Variants in PHACTR3 observed in about 807,000 individuals in gnomAD.
PHACTR3 encodes protein phosphatase 1, regulatory subunit 123.
A neutral mutation model predicts 66.8 loss-of-function variants in PHACTR3; 16 were observed. The ratio of observed to expected loss-of-function variants is 0.24; its 90% confidence interval spans 0.16 to 0.36. PHACTR3 has a LOEUF of 0.36. Among genes scored for constraint, PHACTR3 ranks in the 10% least tolerant of loss-of-function variants. PHACTR3 has a pLI of 1.00. For synonymous variants in PHACTR3, 323 were observed against 292.1 expected, an observed-to-expected ratio of 1.11 and a Z score of -1.08; for missense variants, 647 against 719.9, an observed-to-expected ratio of 0.90 and a Z score of 1.16.
Position 59,829,495 on chromosome 20 carries a change from G to T in PHACTR3, c.1329-7010G>T, listed in dbSNP as rs2042286627. 6.6e-6 allele frequency among the ~76,000 whole-genome samples: 1 copy of T among 152,188 alleles called. No homozygotes were observed. The highest frequency in any genetic ancestry group is 1.5e-5 in the Non-Finnish European group (1 of 68,022). ...TAGGGTCAATGTGCCTGTCATCCGT[G>T]CACCCAGATGGTGTGCGCCTGGGGG... On this transcript the variant is annotated intron_variant, in intron 8 of 12. Transcript: ENST00000371015. The surrounding 1 kb of genome is among the most constrained non-coding windows in gnomAD (Gnocchi z 4.2).
At chr20:59,599,422 G>A (rs964038453) in intron 1 of PHACTR3, among the ~76,000 whole-genome samples, 10 of 152,128 alleles carry the variant, frequency 6.6e-5, no homozygotes, top group Middle Eastern at 3.2e-3. Context: ...AGAAGACGGC[G>A]GAATTGAGCT....
At chr20:59,631,503 G>T (rs2034662688) in intron 1 of PHACTR3, among the ~76,000 whole-genome samples, 1 of 151,966 alleles carries the variant, frequency 6.6e-6, no homozygotes, top group African/African-American at 2.4e-5. Flanking sequence ...ACTTTGTCTT[G>T]GTCCAGTTTA....
rs190423817 is a variant in PHACTR3, at chr20:59,640,883, T to G, written c.118+35751T>G. On this transcript the variant is annotated intron_variant, in intron 1 of 12. Transcript: ENST00000371015. ...GCATTTGGCTTCTAAGTTGTAAAAA[T>G]GGACCAAAAATGAAGCAGTAGAGTA... is the stretch of plus-strand genomic sequence containing the variant. 3.9e-5 allele frequency among the ~76,000 whole-genome samples: 6 copies of G among 152,278 alleles called. No individual in the cohort carries two copies. In the East Asian group the frequency reaches 1.2e-3, roughly 29 times the overall value.
chr20:59,769,826 T>C lies in PHACTR3; in HGVS notation c.751+2431T>C, dbSNP rs116104262. Among the ~76,000 whole-genome samples, 727 of 152,362 alleles carry C rather than the reference T, an allele frequency of 4.8e-3. 7 individuals carry two copies. Among genetic ancestry groups the C allele is most frequent in the African/African-American group, 0.017 (687 of 41,580 alleles). ...CTGCATCTTTCTACATCTCTGTAGA[T>C]GAATCCAAATATTCAGTCTTTATGC... On this transcript the variant is annotated intron_variant, in intron 5 of 12. Transcript: ENST00000371015.
intron 2 of PHACTR3, among the ~76,000 whole-genome samples, chr20:59,743,588 C>G (rs17805233): frequency 6.6e-6 from 1 of 152,164 alleles, no homozygotes; most frequent in South Asian, 2.1e-4. Flanking sequence ...TGGGTTGGGC[C>G]GAGACACTGG....
chr20:59,654,062 A>G (rs1282835806), intron 1 of PHACTR3, among the ~76,000 whole-genome samples: 1 of 152,222 alleles, frequency 6.6e-6, no homozygotes, highest in Non-Finnish European at 1.5e-5. Context: ...CTGCTGGCTA[A>G]GAGGAATTGC....
At chr20:59,708,549 G>A (rs1025309309) in intron 1 of PHACTR3, among the ~76,000 whole-genome samples, 1 of 152,110 alleles carries the variant, frequency 6.6e-6, no homozygotes, top group Non-Finnish European at 1.5e-5. Flanking sequence ...ATTCCCTCCC[G>A]CTGAGAGGCA....
At chr20:59,835,569 G>C (rs1029814611) in intron 8 of PHACTR3, among the ~76,000 whole-genome samples, 1 of 152,182 alleles carries the variant, frequency 6.6e-6, no homozygotes, top group Non-Finnish European at 1.5e-5. Flanking sequence ...GCTGTGGTTA[G>C]AGGATCTGGA....
chr20:59,606,855 C>A (rs1600901826), intron 1 of PHACTR3, among the ~76,000 whole-genome samples: 1 of 152,130 alleles, frequency 6.6e-6, no homozygotes, highest in African/African-American at 2.4e-5. Flanking sequence ...TCCTCTGGTG[C>A]AACTGGTCTA....
At chr20:59,676,368 G>A (rs748185227) in intron 1 of PHACTR3, among the ~76,000 whole-genome samples, 7 of 152,222 alleles carry the variant, frequency 4.6e-5, no homozygotes, top group East Asian at 1.9e-4. Flanking sequence ...AGGAGTGGGC[G>A]CCTGGCCCTG....
At chr20:59,833,249 T>A (rs920589134) in intron 8 of PHACTR3, among the ~76,000 whole-genome samples, 9 of 152,232 alleles carry the variant, frequency 5.9e-5, no homozygotes, top group African/African-American at 2.2e-4. Context: ...GGCAGCTAGA[T>A]GAAGCCCTGC....
rs753738508 is a variant in PHACTR3 at position 59,767,253 on chromosome 20, G to A, written c.609G>A (p.Glu203=). The A allele has an allele frequency of 6.2e-7, 1 of 1,614,112 alleles. No homozygotes were observed. Among genetic ancestry groups the A allele is most frequent in the South Asian group, 1.1e-5 (1 of 91,090 alleles). The change falls in exon 5 of 13, where the codon GAG becomes GAA. Residue 203 remains glutamate (E), a synonymous_variant. Transcript: ENST00000371015. The part of the protein sequence containing the change: ...DAGSLLPTTN[E]LSQALAGADS... ...GCAGCCTCCTGCCCACCACCAATGA[G>A]CTCTCCCAAGCCTTAGCTGGGGCTG...
chr20:59,785,332 C>T (rs6027109), intron 7 of PHACTR3, among the ~76,000 whole-genome samples: 30,844 of 152,098 alleles, frequency 0.2, 6,724 homozygotes, highest in East Asian at 0.55. Flanking sequence ...CAGATCAGGG[C>T]CCCGCTCTTG....
intron 7 of PHACTR3, among the ~76,000 whole-genome samples, chr20:59,778,373 C>T (rs369303881): frequency 3.2e-4 from 49 of 152,294 alleles, no homozygotes; most frequent in East Asian, 3.1e-3. Context: ...CTCCCTTGGA[C>T]CCAGCCCATG....
intron 1 of PHACTR3, among the ~76,000 whole-genome samples, chr20:59,606,901 G>A (rs965400380): frequency 6.6e-6 from 1 of 152,176 alleles, no homozygotes; most frequent in African/African-American, 2.4e-5. Context: ...GAGGTGAAAA[G>A]TCTAAAATAT....
chr20:59,738,937 C>G lies in PHACTR3; in HGVS notation c.119-4170C>G, dbSNP rs1207541951. Among the ~76,000 whole-genome samples, 2 of 152,104 alleles carry G rather than the reference C, an allele frequency of 1.3e-5. No individual in the cohort carries two copies. The highest frequency in any genetic ancestry group is 2.9e-5 in the Non-Finnish European group (2 of 68,002). Reference sequence around the variant, plus strand: ...AAGCATGCTCAGGACAGCAGGCTTTCCCAGGGCCATGTGGAGTCACAGTCT... The same window carrying G: ...AAGCATGCTCAGGACAGCAGGCTTTGCCAGGGCCATGTGGAGTCACAGTCT... On this transcript the variant is annotated intron_variant, in intron 1 of 12. Transcript: ENST00000371015. The surrounding 1 kb of genome is among the most constrained non-coding windows in gnomAD (Gnocchi z 4.4).
At chr20:59,841,764 A>G (rs2059067002) in intron 11 of PHACTR3, among the ~76,000 whole-genome samples, 1 of 152,092 alleles carries the variant, frequency 6.6e-6, no homozygotes. Context: ...GACATTTTTG[A>G]TTGTCACAAC....
chr20:59,624,375 C>T (rs1022992158), intron 1 of PHACTR3, among the ~76,000 whole-genome samples: 5 of 152,056 alleles, frequency 3.3e-5, no homozygotes, highest in Admixed American at 1.3e-4. Context: ...TGAGACTCGC[C>T]GGGGGTCTTG....
chr20:59,718,729 C>G (rs1450009826), intron 1 of PHACTR3, among the ~76,000 whole-genome samples: 1 of 152,174 alleles, frequency 6.6e-6, no homozygotes, highest in African/African-American at 2.4e-5. Context: ...ATGGTTCAAT[C>G]TAATGCGAGT....
Sources: allele counts gnomAD v4.1 joint callset (sites outside exome capture counted in the v4.1 genomes callset), GRCh38; gene constraint gnomAD v4.1.1; non-coding constraint Gnocchi (gnomAD v3.1); transcripts MANE v1.5; gene names NCBI Gene and HGNC (gene_info 2026-07-23, HGNC 2026-07-21).